VEPH1: variants seen among roughly 807,000 people sequenced by gnomAD.
The protein encoded by VEPH1 is ventricular zone-expressed PH domain-containing protein homolog 1.
A neutral mutation model predicts 85.2 loss-of-function variants in VEPH1; 80 were observed. The observed-to-expected ratio is 0.94, with a 90% CI of 0.78 to 1.13. The LOEUF is 1.13. Among genes scored for constraint, VEPH1 ranks in the 50% most tolerant of loss-of-function variants. The pLI is 0.00. For synonymous variants in VEPH1, 297 were observed against 348.0 expected (o/e 0.85, Z 1.63); for missense variants, 955 against 980.5 (o/e 0.97, Z 0.35).
In VEPH1 at chr3:157,442,568, A is replaced by G. The variant is rs867189836; in HGVS notation, c.530-14080T>C. 3.1e-6 allele frequency: 5 copies of G among 1,614,098 alleles called. No individual in the cohort carries two copies. The African/African-American group carries it at 6.7e-5, about 22-fold the overall frequency. ...AGCTGTATCTCAGCTACCAATCCAT[A>G]GTGTTTGTGGTGGGTGGAGAGGAGA... On this transcript the variant is annotated intron_variant, in intron 4 of 13. Coordinates refer to ENST00000362010, the MANE Select transcript of VEPH1 (RefSeq NM_001167912.2).
intron 7 of VEPH1, among the ~76,000 whole-genome samples, chr3:157,365,252 T>C (rs1726510296): frequency 6.6e-6 from 1 of 152,212 alleles, no homozygotes; most frequent in African/African-American, 2.4e-5. Context: ...TATAGGAAAG[T>C]AGCATGCATT....
chr3:157,412,561 C>A (rs1731611797), intron 6 of VEPH1, among the ~76,000 whole-genome samples: 1 of 152,094 alleles, frequency 6.6e-6, no homozygotes. Flanking sequence ...GCAAAGTTGG[C>A]CTAATAACAC....
intron 9 of VEPH1, among the ~76,000 whole-genome samples, chr3:157,331,339 T>C (rs1406710649): frequency 6.6e-6 from 1 of 152,204 alleles, no homozygotes; most frequent in Non-Finnish European, 1.5e-5. Flanking sequence ...GGTATGGTGA[T>C]CCTTGGGGGA....
intron 1 of VEPH1, among the ~76,000 whole-genome samples, chr3:157,500,301 TC>T (rs1206940609): frequency 6.6e-6 from 1 of 152,196 alleles, no homozygotes; most frequent in African/African-American, 2.4e-5. Flanking sequence ...AGTCGTCTGT[TC>T]CTGTGGTAGA....
chr3:157,437,661 C>A, intron 4 of VEPH1: 1 of 1,541,522 alleles, frequency 6.5e-7, no homozygotes, highest in East Asian at 2.4e-5. Context: ...AGGAGCTGGG[C>A]CGGCTCGCGG....
At chr3:157,391,920 G>A (rs913738640) in intron 6 of VEPH1, among the ~76,000 whole-genome samples, 1 of 123,660 alleles carries the variant, frequency 8.1e-6, no homozygotes, top group Non-Finnish European at 1.7e-5. Flanking sequence ...GAGATTGGGG[G>A]CCTATTTTAG....
chr3:157,431,823 T>C (rs1421660477), intron 4 of VEPH1, among the ~76,000 whole-genome samples: 1 of 149,688 alleles, frequency 6.7e-6, no homozygotes, highest in Non-Finnish European at 1.5e-5. Context: ...TTATATATTA[T>C]ATATAACAAA....
intron 11 of VEPH1, among the ~76,000 whole-genome samples, chr3:157,290,619 CA>C (rs1385300455): frequency 6.6e-6 from 1 of 151,888 alleles, no homozygotes; most frequent in Admixed American, 6.6e-5. Context: ...CATATACACA[CA>C]AAATAAAACA....
At chr3:157,362,626 A>G (rs1726176606) in intron 9 of VEPH1, among the ~76,000 whole-genome samples, 1 of 152,122 alleles carries the variant, frequency 6.6e-6, no homozygotes. Flanking sequence ...CAACCATTCT[A>G]TTTTTCACTT....
intron 4 of VEPH1, among the ~76,000 whole-genome samples, chr3:157,453,072 GA>G (rs1341992222): frequency 1.3e-5 from 2 of 152,062 alleles, no homozygotes; most frequent in Non-Finnish European, 2.9e-5. Context: ...AGATCAAAGA[GA>G]AAAAAAGAGG....
chr3:157,383,847 G>A (rs1729022298), intron 6 of VEPH1, among the ~76,000 whole-genome samples: 1 of 151,984 alleles, frequency 6.6e-6, no homozygotes, highest in Non-Finnish European at 1.5e-5. Context: ...CAATTGCCAG[G>A]TTGCAGAACA....
chr3:157,478,833 C>A (rs1737739700), intron 2 of VEPH1, among the ~76,000 whole-genome samples: 1 of 152,130 alleles, frequency 6.6e-6, no homozygotes, highest in South Asian at 2.1e-4. Context: ...TTTGATATTA[C>A]TGTGAGCCCC....
chr3:157,391,101 C>T (rs1261779675), intron 6 of VEPH1, among the ~76,000 whole-genome samples: 1 of 152,226 alleles, frequency 6.6e-6, no homozygotes, highest in African/African-American at 2.4e-5. Context: ...CACTCACACA[C>T]CCCTTGCCGT....
chr3:157,322,366 G>A (rs911325522), intron 9 of VEPH1, among the ~76,000 whole-genome samples: 11 of 152,130 alleles, frequency 7.2e-5, no homozygotes, highest in African/African-American at 2.7e-4. Context: ...TTCTGTTGAT[G>A]GACATTTGGG....
intron 4 of VEPH1, chr3:157,459,484 T>C (rs546323855): frequency 9.8e-5 from 50 of 509,158 alleles, no homozygotes; most frequent in Middle Eastern, 9.7e-4. Flanking sequence ...ATGGGCCTCA[T>C]GCATCTTTAT....
At chr3:157,395,064 G>A (rs151173168) in intron 6 of VEPH1, among the ~76,000 whole-genome samples, 393 of 152,298 alleles carry the variant, frequency 2.6e-3, no homozygotes, top group Middle Eastern at 6.8e-3. Flanking sequence ...GGGGAGCATG[G>A]TAAGACCAGT....
chr3:157,346,878 C>T (rs1724284289), intron 9 of VEPH1, among the ~76,000 whole-genome samples: 1 of 152,138 alleles, frequency 6.6e-6, no homozygotes, highest in African/African-American at 2.4e-5. Context: ...AGCCTCCCAA[C>T]ATGCTGAGAT....
intron 4 of VEPH1, chr3:157,437,934 C>T (rs756767750): frequency 1.3e-6 from 2 of 1,527,160 alleles, no homozygotes; most frequent in South Asian, 1.2e-5. Context: ...CAAGCGGGGC[C>T]GGGACCTCCC....
chr3:157,336,377 C>T (rs151086322), intron 9 of VEPH1, among the ~76,000 whole-genome samples: 73 of 152,208 alleles, frequency 4.8e-4, no homozygotes, highest in African/African-American at 1.6e-3. Context: ...ATTTGCTGCC[C>T]CTCCAATGAT....
Sources: gnomAD v4.1 joint callset for allele counts (sites outside exome capture counted in the v4.1 genomes callset) on GRCh38, gnomAD v4.1.1 for gene constraint, MANE v1.5 for transcripts, NCBI Gene and HGNC (gene_info 2026-07-23, HGNC 2026-07-21) for gene names.